SARM1: variants seen among roughly 807,000 people sequenced by gnomAD.
SARM1 encodes the protein sterile alpha and TIR motif containing 1, also known as NAD(+) hydrolase SARM1.
In SARM1, 60 loss-of-function variants were observed where a neutral mutation model predicts 65.1. That is an observed-to-expected ratio of 0.92 (90% CI 0.75 to 1.14). The LOEUF (loss-of-function observed/expected upper bound fraction) is 1.14, where lower values mean the gene tolerates loss of function less well. SARM1 is among the 50% of genes most tolerant of loss of function. SARM1 has a pLI of 0.00. For synonymous variants in SARM1, 417 were observed against 465.4 expected, an observed-to-expected ratio of 0.90 and a Z score of 1.34; for missense variants, 913 against 1,015.7, an observed-to-expected ratio of 0.90 and a Z score of 1.37.
rs1252727000 is a variant in SARM1 at position 28,398,640 on chromosome 17, G to A, written c.*2354G>A. 2.0e-5 allele frequency: 3 copies of A among 152,518 alleles called. No individual in the cohort carries two copies. Among genetic ancestry groups the A allele is most frequent in the Admixed American group, 2.0e-4 (3 of 15,278 alleles). The allele number at this position is 152,518 out of a possible 1,614,324, so 9.4% of individuals were successfully genotyped here. On this transcript the variant is annotated 3_prime_UTR_variant, in exon 9 of 9. Coordinates refer to ENST00000585482, the MANE Select transcript of SARM1 (RefSeq NM_015077.4). ...GATCCTCCCCCTACTTCTCCCCAAG[G>A]GCCAAGAACTGCTCAGGGACATTAA...
intron 2 of SARM1, among the ~76,000 whole-genome samples, chr17:28,383,760 A>G (rs1274266109): frequency 6.6e-6 from 1 of 152,240 alleles, no homozygotes; most frequent in African/African-American, 2.4e-5. Flanking sequence ...AACCAGTGAC[A>G]GTGGCATTCA....
chr17:28,400,596 G>A lies in SARM1; in HGVS notation c.*4310G>A. ...GGGCTCCATTATGAGCATGGGTTCA[G>A]GGCCCTGCATTACCCAATCAGAACA... On this transcript the variant is annotated 3_prime_UTR_variant, in exon 9 of 9. Coordinates refer to ENST00000585482, the MANE Select transcript of SARM1 (RefSeq NM_015077.4). 3 of 1,613,540 alleles carry A rather than the reference G, an allele frequency of 1.9e-6. 1 individual carries two copies. Among genetic ancestry groups the A allele is most frequent in the Non-Finnish European group, 2.5e-6 (3 of 1,179,738 alleles).
rs1293076318 is a variant in SARM1, at chr17:28,371,957, C to T, written c.-76C>T. 1.7e-5 allele frequency: 20 copies of T among 1,148,994 alleles called. No individual in the cohort carries two copies. Among genetic ancestry groups the T allele is most frequent in the East Asian group, 6.3e-5 (2 of 31,506 alleles). The allele number at this position is 1,148,994 out of a possible 1,614,324, so 71.2% of individuals were successfully genotyped here. On this transcript the variant is annotated 5_prime_UTR_variant, in exon 1 of 9. Transcript: ENST00000585482. ...TTCTTTCCCCGACCCCTCTCGGGTC[C>T]CTCTTTTCCCAAAACCCGGGTCTCT...
chr17:28,395,625 C>G (rs1043294013), intron 7 of SARM1: 21 of 379,220 alleles, frequency 5.5e-5, no homozygotes, highest in Non-Finnish European at 1.0e-4. Context: ...TAGCACCCCC[C>G]GGGCCCCCAG....
rs1368348201 is a variant in SARM1 at position 28,385,372 on chromosome 17, CG to C, written c.1630+98del. On this transcript the variant is annotated intron_variant, in intron 5 of 8. Coordinates refer to ENST00000585482, the MANE Select transcript of SARM1 (RefSeq NM_015077.4). This position sits in a 1 kb window ranked among gnomAD's most constrained non-coding sequence, Gnocchi z 4.5. ...ACGGGGTGGAGCCTTCCAGCCTCGC[CG>C]TGGATTGATTGAGCACAAACGTGGG... 19 of 935,278 alleles carry C rather than the reference CG, an allele frequency of 2.0e-5. No homozygotes were observed. The highest frequency in any genetic ancestry group is 2.6e-5 in the Non-Finnish European group (17 of 641,644). The allele number at this position is 935,278 out of a possible 1,614,324, so 57.9% of individuals were successfully genotyped here.
chr17:28,400,614 TCAGAA>T lies in SARM1; in HGVS notation c.*4332_*4336del. The T allele has an allele frequency of 6.2e-7, 1 of 1,613,540 alleles. No homozygotes were observed. Among genetic ancestry groups the T allele is most frequent in the East Asian group, 2.2e-5 (1 of 44,864 alleles). On this transcript the variant is annotated 3_prime_UTR_variant, in exon 9 of 9. Transcript: ENST00000585482. The stretch of plus-strand genomic sequence containing the variant: ...GGGTTCAGGGCCCTGCATTACCCAA[TCAGAA>T]CAGCCGGGATGAGCAGGAGGCCAGC...
At position 28,396,720 on chromosome 17, in the gene SARM1, G is replaced by A. The variant is rs1243314091; in HGVS notation, c.*434G>A. 5.7e-6 allele frequency: 1 copy of A among 175,974 alleles called. No individual in the cohort carries two copies. The highest frequency in any genetic ancestry group is 2.4e-5 in the African/African-American group (1 of 41,956). 10.9% of individuals were successfully genotyped at this position (175,974 alleles called of 1,614,324 possible). A position where few individuals can be genotyped will look rare whatever the true frequency, so the allele number is the denominator to read the frequency against. Reference sequence around the variant, plus strand: ...GGCACTGTATTCTGAGCAAGGGCCTGGGCCCAGGAGCCAGCCAGGGATGAG... The same window carrying A: ...GGCACTGTATTCTGAGCAAGGGCCTAGGCCCAGGAGCCAGCCAGGGATGAG... On this transcript the variant is annotated 3_prime_UTR_variant, in exon 9 of 9. Coordinates refer to ENST00000585482, the MANE Select transcript of SARM1 (RefSeq NM_015077.4).
At chr17:28,383,413 G>A (rs1555585544) in intron 2 of SARM1, among the ~76,000 whole-genome samples, 2 of 152,144 alleles carry the variant, frequency 1.3e-5, no homozygotes, top group South Asian at 2.1e-4. Flanking sequence ...TGTTAGGGGG[G>A]TCTCTGGGGC....
chr17:28,402,274 C>T lies in SARM1; in HGVS notation c.*5988C>T, dbSNP rs1567816854. On this transcript the variant is annotated 3_prime_UTR_variant, in exon 9 of 9. Transcript: ENST00000585482. ...TCTCTCACCAGCTTGGAGAGTTTAG[C>T]CCGGATGACAGGTGTGATGACTAAT... is the stretch of plus-strand genomic sequence containing the variant. 1 of 1,613,600 alleles carries T rather than the reference C, an allele frequency of 6.2e-7. No homozygotes were observed. The highest frequency in any genetic ancestry group is 8.5e-7 in the Non-Finnish European group (1 of 1,179,758).
chr17:28,401,550 C>T lies in SARM1; in HGVS notation c.*5264C>T, dbSNP rs962994707. The stretch of plus-strand genomic sequence containing the variant: ...CATAAAGACCCAGAGGCTGGAGAAG[C>T]TGTTCTTTATAGATATACCAGGAGA... On this transcript the variant is annotated 3_prime_UTR_variant, in exon 9 of 9. Transcript: ENST00000585482. 2 of 152,396 alleles carry T rather than the reference C, an allele frequency of 1.3e-5. No individual in the cohort carries two copies. The highest frequency in any genetic ancestry group is 4.8e-5 in the African/African-American group (2 of 41,456). The allele number at this position is 152,396 out of a possible 1,614,324, so 9.4% of individuals were successfully genotyped here.
intron 7 of SARM1, among the ~76,000 whole-genome samples, chr17:28,393,902 G>T (rs1258303967): frequency 1.3e-5 from 2 of 152,248 alleles, no homozygotes; most frequent in Non-Finnish European, 2.9e-5. Context: ...GTTCTGCAGA[G>T]CCTATAATAG....
intron 7 of SARM1, among the ~76,000 whole-genome samples, chr17:28,390,428 G>A (rs903868529): frequency 1.7e-4 from 26 of 152,230 alleles, no homozygotes; most frequent in African/African-American, 5.5e-4. Flanking sequence ...ATGGGGGGAA[G>A]GGGATTCTCT....
chr17:28,396,452 T>C lies in SARM1; in HGVS notation c.*166T>C, dbSNP rs529837495. On this transcript the variant is annotated 3_prime_UTR_variant, in exon 9 of 9. Transcript: ENST00000585482. ...CCCTCATGGCCCACCTCCAACCCAC[T>C]TTCCTCAGTATCTGGAGAGGGAAGG... 1.5e-5 allele frequency: 11 copies of C among 757,990 alleles called. No individual in the cohort carries two copies. Among genetic ancestry groups the C allele is most frequent in the Non-Finnish European group, 2.1e-5 (10 of 476,402 alleles). The allele number at this position is 757,990 out of a possible 1,614,324, so 47.0% of individuals were successfully genotyped here.
At chr17:28,380,999 A>G (rs2068019564) in intron 1 of SARM1, among the ~76,000 whole-genome samples, 1 of 151,838 alleles carries the variant, frequency 6.6e-6, no homozygotes, top group Non-Finnish European at 1.5e-5. Context: ...GAGAACGGCT[A>G]TGGCCAGAAT....
intron 1 of SARM1, among the ~76,000 whole-genome samples, chr17:28,377,843 G>A (rs782740729): frequency 7.9e-5 from 12 of 152,052 alleles, no homozygotes; most frequent in Non-Finnish European, 1.5e-4. Context: ...GATTACAAGC[G>A]CACACCACTA....
rs2068221820 is a variant in SARM1, at chr17:28,403,653, T to C, written c.*7367T>C. 6.6e-6 allele frequency: 1 copy of C among 152,188 alleles called. No homozygotes were observed. Among genetic ancestry groups the C allele is most frequent in the African/African-American group, 2.4e-5 (1 of 41,428 alleles). 9.4% of individuals were successfully genotyped at this position (152,188 alleles called of 1,614,324 possible). On this transcript the variant is annotated 3_prime_UTR_variant, in exon 9 of 9. Coordinates refer to ENST00000585482, the MANE Select transcript of SARM1 (RefSeq NM_015077.4). ...GCAGTTGAGTTAAGAAATCTGTGAT[T>C]ATTGTATTGTTGACTATACACAGCA...
intron 7 of SARM1, 28 bp downstream of exon 7, chr17:28,388,567 CCCAGCATTGGCCTGTGGT>C (rs1555586460): frequency 3.1e-6 from 5 of 1,601,546 alleles, no homozygotes; most frequent in Non-Finnish European, 4.3e-6. Flanking sequence ...CTTCTGCGGT[CCCAGCATTGGCCTGTGGT>C]CCAGAAGATA....
intron 1 of SARM1, 101 bp from the exon 2 acceptor site, chr17:28,381,102 C>T (rs1555585136): frequency 2.8e-5 from 38 of 1,365,526 alleles, no homozygotes; most frequent in Non-Finnish European, 3.7e-5. Context: ...TATATGAGGC[C>T]GGTGAGGCCC....
Position 28,384,595 on chromosome 17 carries a change from C to A in SARM1, c.1302+26C>A. 1.3e-6 allele frequency: 2 copies of A among 1,556,744 alleles called. No homozygotes were observed. Among genetic ancestry groups the A allele is most frequent in the East Asian group, 2.4e-5 (1 of 42,390 alleles). On this transcript the variant is annotated intron_variant, in intron 3 of 8. Coordinates refer to ENST00000585482, the MANE Select transcript of SARM1 (RefSeq NM_015077.4). The surrounding 1 kb of genome is among the most constrained non-coding windows in gnomAD (Gnocchi z 4.4). ...GTAGAGTCGCGTGGGATACGCCTCC[C>A]CCGAGTCAGAGCGGGCGCCCTGTGC...
Sources: gnomAD v4.1 joint callset for allele counts (sites outside exome capture counted in the v4.1 genomes callset) on GRCh38, gnomAD v4.1.1 for gene constraint, Gnocchi (gnomAD v3.1) non-coding constraint, MANE v1.5 for transcripts, NCBI Gene and HGNC (gene_info 2026-07-23, HGNC 2026-07-21) for gene names.